Variants in P3H3 observed in about 807,000 individuals in gnomAD.
The protein encoded by P3H3 is gene rich cluster, B.
Under a neutral mutation model 78.1 loss-of-function variants are expected in P3H3, and 64 were observed. That is an observed-to-expected ratio of 0.82 (90% CI 0.67 to 1.01). The LOEUF (loss-of-function observed/expected upper bound fraction) is 1.01. Among genes scored for constraint, P3H3 ranks in the 50% least tolerant of loss-of-function variants. The pLI is 0.00. For synonymous variants in P3H3, 425 were observed against 416.7 expected, an observed-to-expected ratio of 1.02 and a Z score of -0.24; for missense variants, 975 against 982.2, an observed-to-expected ratio of 0.99 and a Z score of 0.10.
rs782167087 is a variant in P3H3 at position 6,833,170 on chromosome 12, G to C, written c.1213-422G>C. Among the ~76,000 whole-genome samples the C allele has an allele frequency of 5.9e-4, 78 of 131,124 alleles. No individual in the cohort carries two copies. The Middle Eastern group carries it at 0.028, about 47-fold the overall frequency. 86.0% of individuals were successfully genotyped at this position (131,124 alleles called of 152,430 possible). A position where few individuals can be genotyped will look rare whatever the true frequency, so the allele number is the denominator to read the frequency against. On this transcript the variant is annotated intron_variant, in intron 6 of 14. Coordinates refer to ENST00000290510, the MANE Select transcript of P3H3 (RefSeq NM_014262.5). Reference sequence around the variant, plus strand: ...AGCCTGGGCGACAGTGTGAGACTCCGTCTCAAAAAAACAAAAAACAAAAAA... The same window carrying C: ...AGCCTGGGCGACAGTGTGAGACTCCCTCTCAAAAAAACAAAAAACAAAAAA...
At chr12:6,832,196 G>A (rs1943456856) in intron 6 of P3H3, among the ~76,000 whole-genome samples, 1 of 152,170 alleles carries the variant, frequency 6.6e-6, no homozygotes, top group Non-Finnish European at 1.5e-5. Context: ...CTGTTTCACA[G>A]GGCTGTTGAA....
At chr12:6,830,224 T>C in intron 2 of P3H3, 129 bp from the exon 3 acceptor site, 1 of 1,058,428 alleles carries the variant, frequency 9.4e-7, no homozygotes, top group East Asian at 2.6e-5. Context: ...AGGCCCACCC[T>C]TATTCTTCTC....
Position 6,829,483 on chromosome 12 carries a change from T to C in P3H3, c.499-376T>C. ...TGGGGAAGCGGGGCGCCGGTTGTAC[T>C]CACCTCAGCTCAGGGTCCTAGAGAC... is the stretch of plus-strand genomic sequence containing the variant. On this transcript the variant is annotated intron_variant, in intron 1 of 14. Coordinates refer to ENST00000290510, the MANE Select transcript of P3H3 (RefSeq NM_014262.5). The surrounding 1 kb of genome is among the most constrained non-coding windows in gnomAD (Gnocchi z 5.1). 1 of 255,670 alleles carries C rather than the reference T, an allele frequency of 3.9e-6. No homozygotes were observed. The highest frequency in any genetic ancestry group is 7.5e-6 in the Non-Finnish European group (1 of 132,966). 15.8% of individuals were successfully genotyped at this position (255,670 alleles called of 1,614,324 possible). A position where few individuals can be genotyped will look rare whatever the true frequency, so the allele number is the denominator to read the frequency against.
chr12:6,832,751 G>A (rs946318649), intron 6 of P3H3, among the ~76,000 whole-genome samples: 1 of 151,558 alleles, frequency 6.6e-6, no homozygotes, highest in African/African-American at 2.4e-5. Flanking sequence ...ACAGGTGCCC[G>A]CCATCTTGCC....
Position 6,831,107 on chromosome 12 carries a change from A to C in P3H3, c.986-109A>C. The C allele has an allele frequency of 7.3e-7, 1 of 1,377,718 alleles. No homozygotes were observed. The allele number at this position is 1,377,718 out of a possible 1,614,324, so 85.3% of individuals were successfully genotyped here. On this transcript the variant is annotated intron_variant, in intron 4 of 14. Transcript: ENST00000290510. This position sits in a 1 kb window ranked among gnomAD's most constrained non-coding sequence, Gnocchi z 4.6. ...CAGTGGGAAGGGGGCTCTTGGAGTTAGCTGTCTGGCCTCTGGAGACCACCT... is the reference window on the plus strand; with the variant it reads ...CAGTGGGAAGGGGGCTCTTGGAGTTCGCTGTCTGGCCTCTGGAGACCACCT...
Position 6,829,148 on chromosome 12 carries a change from A to C in P3H3, c.498+210A>C. 1 of 391,870 alleles carries C rather than the reference A, an allele frequency of 2.6e-6. No homozygotes were observed. The highest frequency in any genetic ancestry group is 4.5e-6 in the Non-Finnish European group (1 of 222,566). 24.3% of individuals were successfully genotyped at this position (391,870 alleles called of 1,614,324 possible). On this transcript the variant is annotated intron_variant, in intron 1 of 14. Coordinates refer to ENST00000290510, the MANE Select transcript of P3H3 (RefSeq NM_014262.5). This position sits in a 1 kb window ranked among gnomAD's most constrained non-coding sequence, Gnocchi z 5.1. ...GCAGCCGAGGGGGAGTGCGAGCAGA[A>C]TGGGAATGGGGCGGGGAGGTCGTGA...
chr12:6,834,016 A>T lies in P3H3; in HGVS notation c.1425A>T (p.Pro475=), dbSNP rs781900476. ...CGGTGTTGGATGGGCTGCTCACCCC[A>T]GCCGAGTGTGGGGTGCTGCTGCAGC... ...ERAVLDGLLT[P]AECGVLLQLA... Residue 475 remains proline, a synonymous_variant, in exon 9 of 15, where the codon CCA becomes CCT. Coordinates refer to ENST00000290510, the MANE Select transcript of P3H3 (RefSeq NM_014262.5). 5.0e-6 allele frequency: 8 copies of T among 1,613,782 alleles called. No individual in the cohort carries two copies. In the East Asian group the frequency reaches 1.8e-4, roughly 36 times the overall value.
At position 6,834,146 on chromosome 12, in the gene P3H3, TG is replaced by T. The variant is rs1402239688; in HGVS notation, c.1458+98del. On this transcript the variant is annotated intron_variant, in intron 9 of 14. Transcript: ENST00000290510. ...CCTGCCCCCTTCATTCTGCCTGTCC[TG>T]ATTATCCAACCGGGACTGTGCTTAC... The T allele has an allele frequency of 1.0e-5, 16 of 1,552,578 alleles. No homozygotes were observed. In the African/African-American group the frequency reaches 2.2e-4, roughly 21 times the overall value.
chr12:6,834,938 CA>C (rs797042067), intron 9 of P3H3: 3,824 of 86,360 alleles, frequency 0.044, 134 homozygotes, highest in African/African-American at 0.12. Flanking sequence ...AACTCCATCT[CA>C]AAAAAAAAAA....
chr12:6,835,584 C>T (rs782806025), intron 9 of P3H3, among the ~76,000 whole-genome samples: 2 of 150,652 alleles, frequency 1.3e-5, no homozygotes, highest in East Asian at 1.9e-4. Flanking sequence ...AACTCCGCCT[C>T]GAAAAATAAA....
intron 13 of P3H3, among the ~76,000 whole-genome samples, chr12:6,838,640 A>G (rs1235629784): frequency 6.6e-6 from 1 of 152,108 alleles, no homozygotes; most frequent in Middle Eastern, 3.4e-3. Flanking sequence ...AAATGGTTCC[A>G]ATATCTGTAT....
chr12:6,834,432 T>G (rs1555121867), intron 9 of P3H3, among the ~76,000 whole-genome samples: 1 of 152,192 alleles, frequency 6.6e-6, no homozygotes, highest in African/African-American at 2.4e-5. Flanking sequence ...CTCACCAGGT[T>G]GAGGCTACCA....
intron 9 of P3H3, among the ~76,000 whole-genome samples, 176 bp from the exon 10 acceptor site, chr12:6,836,809 C>T (rs1387804056): frequency 3.3e-5 from 5 of 152,156 alleles, no homozygotes; most frequent in East Asian, 3.9e-4. Context: ...ATCGGACAGC[C>T]GTGGCGGTGG....
intron 6 of P3H3, 111 bp from the exon 7 acceptor site, chr12:6,833,481 C>T: frequency 9.0e-7 from 1 of 1,109,868 alleles, no homozygotes; most frequent in Non-Finnish European, 1.4e-6. Flanking sequence ...TTTCCTACCT[C>T]CGTCTTCCTC....
In P3H3 at chr12:6,837,787, C is replaced by T. The variant is rs782599270; in HGVS notation, c.1767C>T (p.Val589=). Residue 589 remains valine, a synonymous_variant, in exon 12 of 15, where the codon GTC becomes GTT. Coordinates refer to ENST00000290510, the MANE Select transcript of P3H3 (RefSeq NM_014262.5). The part of the protein sequence containing the change: ...LSHPVHADNC[V]LDPDTGECWR... ...ACCCAGTGCACGCAGACAACTGCGT[C>T]CTGGACCCTGACACGGGAGAGTGCT... The T allele has an allele frequency of 1.2e-6, 2 of 1,613,486 alleles. No homozygotes were observed. Among genetic ancestry groups the T allele is most frequent in the South Asian group, 2.2e-5 (2 of 90,938 alleles).
intron 14 of P3H3, 26 bp from the exon 15 acceptor site, chr12:6,839,271 G>T: frequency 6.4e-7 from 1 of 1,555,762 alleles, no homozygotes; most frequent in Non-Finnish European, 8.7e-7. Flanking sequence ...GCAGGGAATG[G>T]GCCACACTCT....
Position 6,829,241 on chromosome 12 carries a change from G to A in P3H3, c.498+303G>A. The stretch of plus-strand genomic sequence containing the variant: ...TCTTCCTAGGAATGAAGCGGAGGCG[G>A]TGGGGGCGAAACCGGCTCTCGGACG... On this transcript the variant is annotated intron_variant, in intron 1 of 14. Transcript: ENST00000290510. The surrounding 1 kb of genome is among the most constrained non-coding windows in gnomAD (Gnocchi z 5.1). 1 of 339,110 alleles carries A rather than the reference G, an allele frequency of 2.9e-6. No homozygotes were observed. 21.0% of individuals were successfully genotyped at this position (339,110 alleles called of 1,614,324 possible). A position where few individuals can be genotyped will look rare whatever the true frequency, so the allele number is the denominator to read the frequency against.
chr12:6,831,440 G>A lies in P3H3; in HGVS notation c.1122+88G>A. On this transcript the variant is annotated intron_variant, in intron 5 of 14. Transcript: ENST00000290510. The surrounding 1 kb of genome is among the most constrained non-coding windows in gnomAD (Gnocchi z 4.6). Reference sequence around the variant, plus strand: ...TAACCTGGACCCCCACCCCCCGCTGGCCTCTTACCCGAGCACTCTAGTCAC... The same window carrying A: ...TAACCTGGACCCCCACCCCCCGCTGACCTCTTACCCGAGCACTCTAGTCAC... 1 of 1,549,916 alleles carries A rather than the reference G, an allele frequency of 6.5e-7. No individual in the cohort carries two copies. The highest frequency in any genetic ancestry group is 8.7e-7 in the Non-Finnish European group (1 of 1,149,148).
In P3H3 at chr12:6,831,729, G is replaced by A; in HGVS notation, c.1123-96G>A. On this transcript the variant is annotated intron_variant, in intron 5 of 14. Coordinates refer to ENST00000290510, the MANE Select transcript of P3H3 (RefSeq NM_014262.5). This position sits in a 1 kb window ranked among gnomAD's most constrained non-coding sequence, Gnocchi z 4.6. ...AGAGGAACCGGGGGGCATGGTGCCA[G>A]GTTCAAGGAGCATGGAGCACCCAGG... The A allele has an allele frequency of 1.3e-6, 1 of 792,450 alleles. No individual in the cohort carries two copies. The highest frequency in any genetic ancestry group is 1.5e-5 in the South Asian group (1 of 68,106). 49.1% of individuals were successfully genotyped at this position (792,450 alleles called of 1,614,324 possible).
Sources: allele counts gnomAD v4.1 joint callset (sites outside exome capture counted in the v4.1 genomes callset), GRCh38; gene constraint gnomAD v4.1.1; non-coding constraint Gnocchi (gnomAD v3.1); transcripts MANE v1.5; gene names NCBI Gene and HGNC (gene_info 2026-07-23, HGNC 2026-07-21).